BAZ2B: variants seen among roughly 807,000 people sequenced by gnomAD.
BAZ2B encodes bromodomain adjacent to zinc finger domain 2B.
A neutral mutation model predicts 246.0 loss-of-function variants in BAZ2B; 91 were observed. The ratio of observed to expected loss-of-function variants is 0.37; its 90% CI spans 0.31 to 0.44. BAZ2B has a LOEUF of 0.44. Ranked by LOEUF, BAZ2B falls within the 20% of genes least tolerant of loss-of-function variation. The probability of loss-of-function intolerance (pLI) is 1.00; values close to 1 mark genes in which losing one functional copy is unlikely to be tolerated. For synonymous variants in BAZ2B, 855 were observed against 860.0 expected (o/e 0.99, Z 0.10); for missense variants, 2,332 against 2,533.7 (o/e 0.92, Z 1.71).
At chr2:159,653,418 C>T in the BAZ2B span, among the ~76,000 whole-genome samples, 2 of 152,142 alleles carry the variant, frequency 1.3e-5, no homozygotes, top group African/African-American at 2.4e-5. Flanking sequence ...CCCAACCTCA[C>T]ATATGCAGCT....
intron 1 of BAZ2B, among the ~76,000 whole-genome samples, chr2:159,592,103 G>A (rs996821731): frequency 4.0e-5 from 6 of 151,426 alleles, no homozygotes; most frequent in Non-Finnish European, 8.8e-5. Flanking sequence ...CTGGGCAACA[G>A]AGTGAGACCT....
At chr2:159,321,557 T>C (rs568892967) in intron 36 of BAZ2B, among the ~76,000 whole-genome samples, 16 of 152,240 alleles carry the variant, frequency 1.1e-4, no homozygotes, top group African/African-American at 3.4e-4. Flanking sequence ...TTAAACACAA[T>C]GGCGCACCAT....
chr2:159,565,150 C>T (rs992177710), intron 1 of BAZ2B, among the ~76,000 whole-genome samples: 20 of 152,064 alleles, frequency 1.3e-4, no homozygotes, highest in African/African-American at 4.3e-4. Context: ...GGATTACAGG[C>T]GTGAGCCACC....
chr2:159,359,580 G>A (rs1487363590), intron 27 of BAZ2B, among the ~76,000 whole-genome samples: 2 of 152,164 alleles, frequency 1.3e-5, no homozygotes, highest in African/African-American at 4.8e-5. Context: ...AATAGAAAAG[G>A]AGGGACTCCT....
intron 1 of BAZ2B, among the ~76,000 whole-genome samples, chr2:159,572,174 C>T (rs1684188631): frequency 6.6e-6 from 1 of 152,280 alleles, no homozygotes; most frequent in South Asian, 2.1e-4. Context: ...GCTCAGGATC[C>T]TATTACACAT....
chr2:159,567,396 AAAAT>A (rs1390394489), intron 1 of BAZ2B, among the ~76,000 whole-genome samples: 1 of 152,216 alleles, frequency 6.6e-6, no homozygotes, highest in African/African-American at 2.4e-5. Flanking sequence ...TCATAAGGTA[AAAAT>A]AAATCATTTT....
At position 159,386,347 on chromosome 2, in the gene BAZ2B, T is replaced by G. The variant is rs977839533; in HGVS notation, c.3471+6A>C. 2.5e-6 allele frequency: 4 copies of G among 1,600,184 alleles called. No homozygotes were observed. Among genetic ancestry groups the G allele is most frequent in the South Asian group, 2.3e-5 (2 of 88,404 alleles). On this transcript the variant is annotated splice_donor_region_variant and intron_variant, in intron 22 of 36. Coordinates refer to ENST00000392783, the MANE Select transcript of BAZ2B (RefSeq NM_013450.4). ...TTAAAACATTTTATATTTTGTTTTTTTTTACCTTGTATCCTGTTATTAGAC... is the reference window on the plus strand; with the variant it reads ...TTAAAACATTTTATATTTTGTTTTTGTTTACCTTGTATCCTGTTATTAGAC...
chr2:159,342,447 A>G (rs1419802607), intron 31 of BAZ2B, among the ~76,000 whole-genome samples: 4 of 152,084 alleles, frequency 2.6e-5, no homozygotes, highest in Non-Finnish European at 4.4e-5. Flanking sequence ...CACTACGCCC[A>G]CCTAATTTTT....
intron 20 of BAZ2B, 54 bp from the exon 21 acceptor site, chr2:159,389,539 A>G (rs2063076718): frequency 7.1e-7 from 1 of 1,413,796 alleles, no homozygotes; most frequent in South Asian, 1.5e-5. Context: ...ATATGTTGGA[A>G]TAAACTTAGA....
chr2:159,519,207 TTTC>T (rs1399967556), intron 2 of BAZ2B, among the ~76,000 whole-genome samples: 1 of 111,158 alleles, frequency 9.0e-6, no homozygotes, highest in Non-Finnish European at 1.9e-5. Context: ...CATATTCTAT[TTTC>T]TTTTTTTTTT....
At chr2:159,624,253 C>T in the BAZ2B span, among the ~76,000 whole-genome samples, 6 of 152,192 alleles carry the variant, frequency 3.9e-5, no homozygotes, top group South Asian at 2.1e-4. Flanking sequence ...GGGGAAGGGA[C>T]GGCTGTGGGC....
At chr2:159,509,905 G>A (rs1168375224) in intron 2 of BAZ2B, among the ~76,000 whole-genome samples, 1 of 151,408 alleles carries the variant, frequency 6.6e-6, no homozygotes, top group Non-Finnish European at 1.5e-5. Flanking sequence ...ATACTAGTGT[G>A]TATGTATAAA....
rs13432558 is a variant in BAZ2B, at chr2:159,579,092, C to T, written c.-45-23227G>A. Reference sequence around the variant, plus strand: ...AAGATCAGAGCAGAACTGAAGGAGACAGAGACACAAAAAAACCCTTCAAAA... The same window carrying T: ...AAGATCAGAGCAGAACTGAAGGAGATAGAGACACAAAAAAACCCTTCAAAA... On this transcript the variant is annotated intron_variant, in intron 1 of 36. Coordinates refer to ENST00000392783, the MANE Select transcript of BAZ2B (RefSeq NM_013450.4). Among the ~76,000 whole-genome samples, 686 of 152,020 alleles carry T rather than the reference C, an allele frequency of 4.5e-3. 7 individuals carry two copies. The highest frequency in any genetic ancestry group is 0.016 in the African/African-American group (655 of 41,472).
At chr2:159,338,112 C>T (rs7559681) in intron 31 of BAZ2B, among the ~76,000 whole-genome samples, 1 of 152,002 alleles carries the variant, frequency 6.6e-6, no homozygotes, top group African/African-American at 2.4e-5. Context: ...AGCCTTTGCT[C>T]TTCCTTTCTG....
chr2:159,681,612 A>C, the BAZ2B span, among the ~76,000 whole-genome samples: 2 of 152,218 alleles, frequency 1.3e-5, no homozygotes, highest in Non-Finnish European at 2.9e-5. Context: ...GGTTCCAGCA[A>C]TTAAACAGTT....
chr2:159,459,836 T>G (rs2076197680), intron 3 of BAZ2B: 1 of 152,110 alleles, frequency 6.6e-6, no homozygotes, highest in Non-Finnish European at 1.5e-5. Context: ...TCAACAGATG[T>G]ATTGCTCACA....
At chr2:159,640,225 G>C in the BAZ2B span, among the ~76,000 whole-genome samples, 16 of 152,098 alleles carry the variant, frequency 1.1e-4, no homozygotes, top group South Asian at 3.1e-3. Context: ...TAGAACTAAA[G>C]AGAGAGATAG....
the BAZ2B span, among the ~76,000 whole-genome samples, chr2:159,672,804 G>A: frequency 6.6e-6 from 1 of 152,192 alleles, no homozygotes; most frequent in Non-Finnish European, 1.5e-5. Flanking sequence ...TAACTAGATA[G>A]CTATTTGGAA....
chr2:159,479,265 T>C (rs1354478707), intron 2 of BAZ2B, among the ~76,000 whole-genome samples: 1 of 152,164 alleles, frequency 6.6e-6, no homozygotes, highest in Non-Finnish European at 1.5e-5. Flanking sequence ...GTTTAAACTA[T>C]GATTTCAAAA....
Sources: allele counts gnomAD v4.1 joint callset (sites outside exome capture counted in the v4.1 genomes callset), GRCh38; gene constraint gnomAD v4.1.1; transcripts MANE v1.5; gene names NCBI Gene and HGNC (gene_info 2026-07-23, HGNC 2026-07-21).